Variants in ENOX1 observed in about 807,000 individuals in gnomAD.
ENOX1 encodes candidate growth-related and time keeping constitutive hydroquinone (NADH) oxidase.
ENOX1 carries 42 observed loss-of-function variants against 82.5 expected under a neutral mutation model. The observed-to-expected ratio is 0.51, with a 90% CI of 0.40 to 0.66. The LOEUF is 0.66. ENOX1 is among the 30% of genes least tolerant of loss of function. ENOX1 has a pLI of 0.00. For synonymous variants in ENOX1, 271 were observed against 282.2 expected (o/e 0.96, Z 0.40); for missense variants, 608 against 811.6 (o/e 0.75, Z 3.05).
At chr13:43,713,720 T>G (rs1435727635) in intron 1 of ENOX1, among the ~76,000 whole-genome samples, 6 of 151,638 alleles carry the variant, frequency 4.0e-5, no homozygotes, top group Non-Finnish European at 1.5e-5. Flanking sequence ...TGTAGTATTC[T>G]CTGATGGTAG....
intron 3 of ENOX1, among the ~76,000 whole-genome samples, chr13:43,439,899 T>A (rs1243670440): frequency 1.3e-5 from 2 of 152,196 alleles, no homozygotes; most frequent in African/African-American, 4.8e-5. Flanking sequence ...AATATGCCTA[T>A]AGGTACATCC....
chr13:43,298,331 A>AAATT lies in ENOX1; in HGVS notation c.1446+14_1446+15insAATT. 6.4e-7 allele frequency: 1 copy of AAATT among 1,572,340 alleles called. No individual in the cohort carries two copies. ...TCTTTCTCTCAAAAAAAAAAAAAAA[A>AAATT]TCTGGGCCAGGTACCTGCTGCATGC... On this transcript the variant is annotated intron_variant, in intron 12 of 16. Transcript: ENST00000690772.
intron 2 of ENOX1, among the ~76,000 whole-genome samples, chr13:43,616,204 A>ATATATATATATATATATTT (rs1457149422): frequency 6.5e-5 from 1 of 15,316 alleles, no homozygotes; most frequent in South Asian, 5.7e-3. Context: ...ATATATATAT[A>ATATATATATATATATATTT]TTTTTTTTTT....
intron 2 of ENOX1, among the ~76,000 whole-genome samples, chr13:43,529,438 T>A (rs1473454708): frequency 2.0e-5 from 3 of 152,044 alleles, no homozygotes; most frequent in Non-Finnish European, 4.4e-5. Context: ...AGTGAAAAAG[T>A]GAAAGTTCTT....
At chr13:43,285,810 C>CAAAA (rs11417324) in intron 12 of ENOX1, among the ~76,000 whole-genome samples, 31 of 67,376 alleles carry the variant, frequency 4.6e-4, no homozygotes, top group Non-Finnish European at 5.0e-4. Context: ...GACTCTGTCT[C>CAAAA]AAAAAAAAAA....
At chr13:43,324,051 GC>G (rs34387869) in intron 10 of ENOX1, among the ~76,000 whole-genome samples, 29,872 of 152,040 alleles carry the variant, frequency 0.2, 3,782 homozygotes, top group East Asian at 0.55. Context: ...GGCAGACAAG[GC>G]TCCTAATTTG....
At chr13:43,760,431 G>T (rs150726270) in intron 1 of ENOX1, among the ~76,000 whole-genome samples, 10 of 152,208 alleles carry the variant, frequency 6.6e-5, no homozygotes, top group Non-Finnish European at 1.5e-4. Context: ...GGATGTAGAG[G>T]AACAGAACTC....
chr13:43,298,096 C>T (rs775516863), intron 12 of ENOX1, among the ~76,000 whole-genome samples: 3 of 152,348 alleles, frequency 2.0e-5, no homozygotes, highest in Non-Finnish European at 4.4e-5. Context: ...TTTCAATCTC[C>T]TAAATCCAAA....
At chr13:43,491,073 C>T (rs1030526743) in intron 2 of ENOX1, among the ~76,000 whole-genome samples, 2 of 152,114 alleles carry the variant, frequency 1.3e-5, no homozygotes, top group African/African-American at 2.4e-5. Context: ...GGAAGCATGG[C>T]GCTGGTGTCT....
chr13:43,690,451 C>T (rs909737065), intron 1 of ENOX1, among the ~76,000 whole-genome samples: 8 of 152,006 alleles, frequency 5.3e-5, no homozygotes, highest in Non-Finnish European at 1.2e-4. Context: ...ACAATGCTAC[C>T]CATATTTCCT....
chr13:43,470,077 A>T (rs936896203), intron 3 of ENOX1, among the ~76,000 whole-genome samples: 1 of 151,262 alleles, frequency 6.6e-6, no homozygotes, highest in Non-Finnish European at 1.5e-5. Flanking sequence ...TACAGAAAAT[A>T]AAAAACTCTA....
chr13:43,549,144 T>G (rs117691646), intron 2 of ENOX1, among the ~76,000 whole-genome samples: 3,331 of 152,312 alleles, frequency 0.022, 59 homozygotes, highest in Admixed American at 0.041. Context: ...TGGCACAAAA[T>G]AGTAAAAATT....
At chr13:43,351,211 C>T (rs1055096966) in intron 8 of ENOX1, among the ~76,000 whole-genome samples, 18 of 152,118 alleles carry the variant, frequency 1.2e-4, no homozygotes, top group Admixed American at 3.9e-4. Context: ...CAATTAACCC[C>T]GCATCAACTA....
intron 16 of ENOX1, among the ~76,000 whole-genome samples, chr13:43,219,672 T>C (rs2041682149): frequency 6.6e-6 from 1 of 152,234 alleles, no homozygotes; most frequent in Non-Finnish European, 1.5e-5. Context: ...AGAGGTCATT[T>C]ATAAAATCTG....
At chr13:43,629,256 A>G (rs929649605) in intron 2 of ENOX1, among the ~76,000 whole-genome samples, 1 of 152,164 alleles carries the variant, frequency 6.6e-6, no homozygotes, top group Non-Finnish European at 1.5e-5. Flanking sequence ...TGGCAAAGAG[A>G]TTAGTGTCTA....
At chr13:43,767,143 A>G (rs373858708) in intron 1 of ENOX1, among the ~76,000 whole-genome samples, 131 of 152,220 alleles carry the variant, frequency 8.6e-4, no homozygotes, top group Non-Finnish European at 1.4e-3. Flanking sequence ...GAGATTATTT[A>G]CTTTGCCTTA....
intron 2 of ENOX1, chr13:43,547,543 G>T: frequency 6.6e-6 from 1 of 152,168 alleles, no homozygotes; most frequent in East Asian, 1.9e-4. Context: ...ATCTGAAAGT[G>T]AACTTTCTAC....
At chr13:43,706,196 A>C (rs1228084711) in intron 1 of ENOX1, among the ~76,000 whole-genome samples, 3 of 152,048 alleles carry the variant, frequency 2.0e-5, no homozygotes, top group African/African-American at 4.8e-5. Flanking sequence ...AAAAGTAAGA[A>C]AGGTTTAAAG....
chr13:43,659,603 C>G (rs1403732289), intron 2 of ENOX1, among the ~76,000 whole-genome samples: 2 of 152,004 alleles, frequency 1.3e-5, no homozygotes, highest in Admixed American at 1.3e-4. Context: ...TTAAATGTCT[C>G]ACGATCCTTG....
Sources: allele counts gnomAD v4.1 joint callset (sites outside exome capture counted in the v4.1 genomes callset), GRCh38; gene constraint gnomAD v4.1.1; transcripts MANE v1.5; gene names NCBI Gene and HGNC (gene_info 2026-07-23, HGNC 2026-07-21).